KCNIP1: variants seen among roughly 807,000 people sequenced by gnomAD.
KCNIP1 encodes the protein potassium voltage-gated channel interacting protein 1.
KCNIP1 carries 18 observed loss-of-function variants against 33.0 expected under a neutral mutation model. That is an observed-to-expected ratio of 0.55 (90% CI 0.38 to 0.81). KCNIP1 has a LOEUF of 0.81. KCNIP1 is among the 30% of genes least tolerant of loss of function. The pLI, the probability that KCNIP1 is intolerant of heterozygous loss-of-function variation, is 0.00. For missense variants in KCNIP1, 238 were observed against 271.6 expected (o/e 0.88, Z 0.87); for synonymous variants, 93 against 98.3 (o/e 0.95, Z 0.32).
intron 1 of KCNIP1, among the ~76,000 whole-genome samples, chr5:170,672,561 T>C (rs1434302427): frequency 6.6e-6 from 1 of 152,248 alleles, no homozygotes; most frequent in East Asian, 1.9e-4. Flanking sequence ...GATTAAGCAG[T>C]GTAATCAGCT....
intron 1 of KCNIP1, among the ~76,000 whole-genome samples, chr5:170,559,850 G>T (rs112746538): frequency 0.022 from 3,388 of 152,338 alleles, 60 homozygotes; most frequent in Middle Eastern, 0.037. Context: ...ACTCAAAGCT[G>T]CAGGCTCCTC....
At chr5:170,688,496 G>T (rs1466690259) in intron 1 of KCNIP1, among the ~76,000 whole-genome samples, 1 of 152,176 alleles carries the variant, frequency 6.6e-6, no homozygotes, top group Non-Finnish European at 1.5e-5. Context: ...TCCCATTGCA[G>T]CAGGGATGCC....
chr5:170,373,623 A>G (rs933182113), intron 1 of KCNIP1, among the ~76,000 whole-genome samples: 1 of 152,232 alleles, frequency 6.6e-6, no homozygotes, highest in African/African-American at 2.4e-5. Context: ...TATGCGTGGC[A>G]AAAAGTATAT....
At chr5:170,436,340 G>T (rs1489588620) in intron 1 of KCNIP1, among the ~76,000 whole-genome samples, 1 of 152,284 alleles carries the variant, frequency 6.6e-6, no homozygotes, top group Admixed American at 6.5e-5. Flanking sequence ...TACCCTGCAG[G>T]GCCTGTTCCT....
At chr5:170,389,013 T>C (rs1764599654) in intron 1 of KCNIP1, among the ~76,000 whole-genome samples, 1 of 152,222 alleles carries the variant, frequency 6.6e-6, no homozygotes, top group Non-Finnish European at 1.5e-5. Flanking sequence ...TGCAGCCTTC[T>C]GGCCACTCTG....
chr5:170,440,112 C>T (rs1755954917), intron 1 of KCNIP1, among the ~76,000 whole-genome samples: 1 of 152,142 alleles, frequency 6.6e-6, no homozygotes, highest in Non-Finnish European at 1.5e-5. Context: ...AAGACATAGA[C>T]ACACACACAA....
chr5:170,709,614 T>C (rs1019940895), intron 1 of KCNIP1, among the ~76,000 whole-genome samples: 5 of 152,258 alleles, frequency 3.3e-5, no homozygotes, highest in Non-Finnish European at 5.9e-5. Flanking sequence ...TTTTTAATTT[T>C]TCAGTGGTTT....
intron 1 of KCNIP1, chr5:170,378,922 C>T (rs374697787): frequency 6.8e-6 from 11 of 1,614,178 alleles, no homozygotes; most frequent in Non-Finnish European, 9.3e-6. Flanking sequence ...ACCTTCTCCA[C>T]GTCGGCCCGG....
intron 1 of KCNIP1, among the ~76,000 whole-genome samples, chr5:170,368,354 T>C (rs2113302396): frequency 6.6e-6 from 1 of 152,284 alleles, no homozygotes; most frequent in East Asian, 1.9e-4. Context: ...AACCTCTGCT[T>C]CCTGGGTTCA....
At position 170,353,738 on chromosome 5, in the gene KCNIP1, G is replaced by A. The variant is rs537206394; in HGVS notation, c.-139G>A. 7 of 730,854 alleles carry A rather than the reference G, an allele frequency of 9.6e-6. No individual in the cohort carries two copies. In the East Asian group the frequency reaches 1.1e-4, roughly 11 times the overall value. 45.3% of individuals were successfully genotyped at this position (730,854 alleles called of 1,614,324 possible). A position where few individuals can be genotyped will look rare whatever the true frequency, so the allele number is the denominator to read the frequency against. On this transcript the variant is annotated 5_prime_UTR_variant, in exon 1 of 8. Transcript: ENST00000377360. ...GACTCGCTGCAGAGGCAGCTGTGCT[G>A]TTCCCGGAGCCTGGCTTCAGGGGTG... is the stretch of plus-strand genomic sequence containing the variant.
At chr5:170,674,634 G>A (rs1762060565) in intron 1 of KCNIP1, among the ~76,000 whole-genome samples, 1 of 152,214 alleles carries the variant, frequency 6.6e-6, no homozygotes, top group Non-Finnish European at 1.5e-5. Flanking sequence ...GACATTTTGG[G>A]AGAGTAGGTT....
At chr5:170,433,225 C>T (rs2113450139) in intron 1 of KCNIP1, among the ~76,000 whole-genome samples, 1 of 152,254 alleles carries the variant, frequency 6.6e-6, no homozygotes, top group Non-Finnish European at 1.5e-5. Context: ...CTCGCTCTGT[C>T]ACCCAGGCTG....
chr5:170,644,052 G>A (rs1002418309), intron 1 of KCNIP1, among the ~76,000 whole-genome samples: 2 of 152,186 alleles, frequency 1.3e-5, no homozygotes, highest in Admixed American at 6.5e-5. Flanking sequence ...GTGCTGACCC[G>A]AAGCAGGAAC....
intron 1 of KCNIP1, among the ~76,000 whole-genome samples, chr5:170,478,908 AT>A (rs1756915020): frequency 6.9e-6 from 1 of 145,342 alleles, no homozygotes; most frequent in Admixed American, 6.7e-5. Flanking sequence ...GAAAAGGAAG[AT>A]AAAAAAAAAA....
chr5:170,353,896 G>A (rs1324253059), exon 1 of KCNIP1: 4 of 1,614,192 alleles, frequency 2.5e-6, no homozygotes, highest in East Asian at 2.2e-5. Context: ...TGCTCCAAAA[G>A]ATGCAAGCTT....
intron 7 of KCNIP1, among the ~76,000 whole-genome samples, chr5:170,735,542 G>T (rs1004136628): frequency 6.6e-6 from 1 of 152,126 alleles, no homozygotes; most frequent in African/African-American, 2.4e-5. Flanking sequence ...TTTACTAGAT[G>T]ATTTGTTTCT....
rs549199852 is a variant in KCNIP1 at position 170,667,089 on chromosome 5, G to A, written c.62-51669G>A. Among the ~76,000 whole-genome samples the A allele has an allele frequency of 3.3e-4, 51 of 152,286 alleles. 1 individual carries two copies. Among genetic ancestry groups the A allele is most frequent in the African/African-American group, 8.2e-4 (34 of 41,564 alleles). On this transcript the variant is annotated intron_variant, in intron 1 of 7. Transcript: ENST00000328939. ...AACACTTTGAGAGGCCGAGGTGGGC[G>A]GATCACGAGGTCAGGAGTTTGAAAC... is the stretch of plus-strand genomic sequence containing the variant.
intron 1 of KCNIP1, among the ~76,000 whole-genome samples, chr5:170,615,413 A>G (rs1759328862): frequency 6.6e-6 from 1 of 152,192 alleles, no homozygotes; most frequent in South Asian, 2.1e-4. Context: ...CAAGCCTGTG[A>G]TAACATTTTA....
chr5:170,583,457 G>A (rs746626912), intron 1 of KCNIP1, among the ~76,000 whole-genome samples: 6 of 152,192 alleles, frequency 3.9e-5, no homozygotes, highest in South Asian at 2.1e-4. Flanking sequence ...GAAGAGGAGG[G>A]GGAGAAGATT....
Sources: allele counts gnomAD v4.1 joint callset (sites outside exome capture counted in the v4.1 genomes callset), GRCh38; gene constraint gnomAD v4.1.1; transcripts MANE v1.5; gene names NCBI Gene and HGNC (gene_info 2026-07-23, HGNC 2026-07-21).